Variants in CDC14A observed in about 807,000 individuals in gnomAD.
CDC14A encodes the protein cell division cycle 14A.
A neutral mutation model predicts 74.4 loss-of-function variants in CDC14A; 53 were observed. That is an observed-to-expected ratio of 0.71 (90% CI 0.57 to 0.89). CDC14A has a LOEUF of 0.89. CDC14A is among the 40% of genes least tolerant of loss of function. The probability of loss-of-function intolerance (pLI) is 0.00; values close to 1 mark genes in which losing one functional copy is unlikely to be tolerated. For missense variants in CDC14A, 646 were observed against 713.7 expected (o/e 0.91, Z 1.08); for synonymous variants, 247 against 258.4 (o/e 0.96, Z 0.43).
intron 2 of CDC14A, among the ~76,000 whole-genome samples, chr1:100,377,009 G>A (rs961652433): frequency 6.6e-5 from 10 of 151,708 alleles, no homozygotes; most frequent in African/African-American, 2.4e-4. Context: ...AAAAGGAGGT[G>A]GAACTTAAAA....
rs28364883 is a variant in CDC14A at position 100,462,499 on chromosome 1, G to T, written c.608-152G>T. On this transcript the variant is annotated intron_variant, in intron 8 of 15. Transcript: ENST00000336454. ...CTTACAGTTATGCAGATTGATGCTT[G>T]TAGGAGCTTGCTGTGACCTCTTCTC... is the stretch of plus-strand genomic sequence containing the variant. 8.5e-3 allele frequency: 5,352 copies of T among 628,676 alleles called. 198 individuals are homozygous for T. Among genetic ancestry groups the T allele is most frequent in the African/African-American group, 0.085 (4,622 of 54,502 alleles). 38.9% of individuals were successfully genotyped at this position (628,676 alleles called of 1,614,324 possible).
At chr1:100,430,192 AT>A (rs992637993) in intron 5 of CDC14A, among the ~76,000 whole-genome samples, 23 of 152,124 alleles carry the variant, frequency 1.5e-4, no homozygotes, top group African/African-American at 5.1e-4. Context: ...TTTGTGGAAC[AT>A]TTTTTTTATG....
chr1:100,428,129 C>A (rs927742695), intron 5 of CDC14A, among the ~76,000 whole-genome samples: 7 of 152,132 alleles, frequency 4.6e-5, no homozygotes, highest in African/African-American at 1.2e-4. Context: ...AGATTCTATT[C>A]ACCTAGTTAA....
chr1:100,424,651 A>T (rs748969156), intron 5 of CDC14A, among the ~76,000 whole-genome samples: 46 of 152,134 alleles, frequency 3.0e-4, no homozygotes, highest in Non-Finnish European at 5.0e-4. Flanking sequence ...CTTTCATTTC[A>T]TAAGCAGTGA....
rs67056785 is a variant in CDC14A at position 100,491,548 on chromosome 1, CTATA to C, written c.1138-3248_1138-3245del. Among the ~76,000 whole-genome samples, 103 of 38,756 alleles carry C rather than the reference CTATA, an allele frequency of 2.7e-3. 2 individuals are homozygous for C. The highest frequency in any genetic ancestry group is 7.2e-3 in the African/African-American group (83 of 11,580). 25.4% of individuals were successfully genotyped at this position (38,756 alleles called of 152,430 possible). A position where few individuals can be genotyped will look rare whatever the true frequency, so the allele number is the denominator to read the frequency against. On this transcript the variant is annotated intron_variant, in intron 11 of 15. Transcript: ENST00000336454. ...TCTCTCTCTCTCTCTCTCTCTCTCT[CTATA>C]TATATATATATATATATATATTTTT...
At chr1:100,369,224 T>C (rs1013824767) in intron 2 of CDC14A, among the ~76,000 whole-genome samples, 17 of 152,136 alleles carry the variant, frequency 1.1e-4, no homozygotes, top group African/African-American at 4.1e-4. Flanking sequence ...TTCTCCTGCC[T>C]CAGCCTCCAA....
chr1:100,408,752 C>T (rs961137445), intron 4 of CDC14A, among the ~76,000 whole-genome samples: 9 of 152,132 alleles, frequency 5.9e-5, no homozygotes, highest in African/African-American at 2.2e-4. Flanking sequence ...CCTTTGCCCA[C>T]ATAATGAGGT....
intron 4 of CDC14A, chr1:100,392,916 A>C: frequency 1.5e-6 from 1 of 669,024 alleles, no homozygotes; most frequent in East Asian, 3.0e-5. Context: ...ACATTCTATG[A>C]TTTCTAAACA....
chr1:100,420,082 A>ATATATATAGT (rs58124351), intron 4 of CDC14A, among the ~76,000 whole-genome samples: 15 of 105,522 alleles, frequency 1.4e-4, no homozygotes, highest in African/African-American at 4.7e-4. Context: ...ATATATATAT[A>ATATATATAGT]GTGTGTATGT....
intron 4 of CDC14A, among the ~76,000 whole-genome samples, chr1:100,391,579 C>A (rs1657701240): frequency 6.6e-6 from 1 of 152,156 alleles, no homozygotes; most frequent in Non-Finnish European, 1.5e-5. Flanking sequence ...AGGCAGGGAG[C>A]AGAGAGGTAT....
chr1:100,412,709 T>A (rs1380184204), intron 4 of CDC14A, among the ~76,000 whole-genome samples: 1 of 100,028 alleles, frequency 1.0e-5, no homozygotes, highest in Non-Finnish European at 1.8e-5. Context: ...TATATATATA[T>A]ATATATATAT....
At chr1:100,462,295 A>G in intron 8 of CDC14A, 1 of 251,272 alleles carries the variant, frequency 4.0e-6, no homozygotes. Context: ...AATAAAGCTC[A>G]AGAGAGAATA....
chr1:100,422,831 G>A (rs143918693), intron 4 of CDC14A, among the ~76,000 whole-genome samples: 4 of 152,026 alleles, frequency 2.6e-5, no homozygotes, highest in East Asian at 1.9e-4. Context: ...GAATGGACTC[G>A]TTTTCTAGTC....
intron 8 of CDC14A, 99 bp downstream of exon 8, chr1:100,455,591 C>A: frequency 1.4e-6 from 1 of 724,358 alleles, no homozygotes. Context: ...GTAATATTCT[C>A]CAAAGAATAT....
chr1:100,382,119 G>C (rs1474013716), intron 3 of CDC14A, among the ~76,000 whole-genome samples: 1 of 150,246 alleles, frequency 6.7e-6, no homozygotes, highest in Non-Finnish European at 1.5e-5. Flanking sequence ...GACATGCTAA[G>C]AACACTGGGC....
At chr1:100,478,101 A>C (rs1275629338) in intron 10 of CDC14A, among the ~76,000 whole-genome samples, 3 of 152,218 alleles carry the variant, frequency 2.0e-5, no homozygotes, top group African/African-American at 4.8e-5. Context: ...AACAACCATC[A>C]GGTGTTTTTC....
intron 3 of CDC14A, among the ~76,000 whole-genome samples, chr1:100,380,973 G>A (rs1016455742): frequency 1.3e-5 from 2 of 152,150 alleles, no homozygotes; most frequent in African/African-American, 4.8e-5. Context: ...TGGATTGAGG[G>A]TGCCTCCCTT....
At chr1:100,491,566 A>ATT (rs1670667031) in intron 11 of CDC14A, among the ~76,000 whole-genome samples, 48 of 80,794 alleles carry the variant, frequency 5.9e-4, no homozygotes, top group African/African-American at 2.7e-3. Flanking sequence ...ATATATATAT[A>ATT]TATATATTTT....
chr1:100,491,568 A>G (rs1238572394), intron 11 of CDC14A, among the ~76,000 whole-genome samples: 1 of 76,622 alleles, frequency 1.3e-5, no homozygotes, highest in Non-Finnish European at 2.4e-5. Context: ...ATATATATAT[A>G]TATATTTTTT....
Sources: allele counts gnomAD v4.1 joint callset (sites outside exome capture counted in the v4.1 genomes callset), GRCh38; gene constraint gnomAD v4.1.1; transcripts MANE v1.5; gene names NCBI Gene and HGNC (gene_info 2026-07-23, HGNC 2026-07-21).